The following ZFHX4 variants were observed in gnomAD, a reference collection of about 807,000 sequenced individuals.
ZFHX4 encodes the protein zinc finger homeobox 4.
Under a neutral mutation model 267.6 loss-of-function variants are expected in ZFHX4, and 56 were observed. The observed-to-expected ratio is 0.21, with a 90% CI of 0.17 to 0.26. The LOEUF (loss-of-function observed/expected upper bound fraction) is 0.26. ZFHX4 is among the 10% of genes least tolerant of loss of function. The pLI is 1.00. For synonymous variants in ZFHX4, 1,778 were observed against 1,665.6 expected, an observed-to-expected ratio of 1.07 and a Z score of -1.64; for missense variants, 4,332 against 4,420.0, an observed-to-expected ratio of 0.98 and a Z score of 0.56.
intron 4 of ZFHX4, among the ~76,000 whole-genome samples, chr8:76,823,001 CT>C (rs1811694123): frequency 6.6e-6 from 1 of 152,094 alleles, no homozygotes; most frequent in African/African-American, 2.4e-5. Flanking sequence ...AGCTTATCAT[CT>C]TTTCTCTTGA....
intron 3 of ZFHX4, among the ~76,000 whole-genome samples, 189 bp from the exon 4 acceptor site, chr8:76,778,019 C>T (rs1179278411): frequency 6.6e-6 from 1 of 151,940 alleles, no homozygotes; most frequent in Non-Finnish European, 1.5e-5. Flanking sequence ...TAGATTTACA[C>T]ATTATTTTAA....
intron 1 of ZFHX4, among the ~76,000 whole-genome samples, chr8:76,695,502 GA>G (rs1344133020): frequency 6.6e-6 from 1 of 152,308 alleles, no homozygotes; most frequent in Non-Finnish European, 1.5e-5. Context: ...TAATTATGAC[GA>G]AATACTTGTT....
intron 4 of ZFHX4, among the ~76,000 whole-genome samples, chr8:76,796,926 A>G (rs988506087): frequency 1.3e-5 from 2 of 152,162 alleles, no homozygotes; most frequent in Non-Finnish European, 2.9e-5. Flanking sequence ...TTTCTAACTA[A>G]GGCTAAAATG....
intron 4 of ZFHX4, among the ~76,000 whole-genome samples, chr8:76,801,462 C>T (rs190664250): frequency 6.6e-5 from 10 of 152,226 alleles, no homozygotes; most frequent in South Asian, 6.2e-4. Flanking sequence ...GGCTATAAGT[C>T]GTCCACAGAG....
intron 3 of ZFHX4, among the ~76,000 whole-genome samples, chr8:76,739,733 G>A (rs1809265906): frequency 6.6e-6 from 1 of 151,972 alleles, no homozygotes; most frequent in Admixed American, 6.6e-5. Flanking sequence ...TAAATGGAAT[G>A]GTCAGGAGAA....
chr8:76,707,975 A>G lies in ZFHX4; in HGVS notation c.3020A>G (p.Tyr1007Cys). 6.2e-7 allele frequency: 1 copy of G among 1,614,052 alleles called. No homozygotes were observed. Among genetic ancestry groups the G allele is most frequent in the Non-Finnish European group, 8.5e-7 (1 of 1,179,920 alleles). The change falls in exon 3 of 11, where the codon TAC (tyrosine) becomes TGC (cysteine). Residue 1007 changes from tyrosine (Y) to cysteine (C), a missense_variant. Around this residue, in one of 7 missense-constraint regions of ZFHX4, gnomAD observed 1,371 missense variants for 1,423.1 expected, o/e 0.96. Coordinates refer to ENST00000651372, the MANE Select transcript of ZFHX4 (RefSeq NM_024721.5). ...CTAAAATGTAACGCCTGTGACTATT[A>G]CACCAACAGTGTGGATAAATTACGC... ...VHLKCNACDY[Y>C]TNSVDKLRLH...
In ZFHX4 at chr8:76,852,600, A is replaced by C; in HGVS notation, c.5679A>C (p.Pro1893=). 6.2e-7 allele frequency: 1 copy of C among 1,612,336 alleles called. No individual in the cohort carries two copies. The highest frequency in any genetic ancestry group is 8.5e-7 in the Non-Finnish European group (1 of 1,179,010). ...KDTKKQKSLE[P]SIPPPRIASG... is the part of the protein sequence containing the mutation. ...CAAAGAAGCAAAAATCCTTGGAACC[A>C]TCCATCCCACCACCCCGAATAGCTT... is the stretch of plus-strand genomic sequence containing the variant. Residue 1893 remains proline (P), a synonymous_variant, in exon 10 of 11, where the codon CCA becomes CCC. Coordinates refer to ENST00000651372, the MANE Select transcript of ZFHX4 (RefSeq NM_024721.5).
At chr8:76,857,354 T>TTATATA (rs10576780) in intron 10 of ZFHX4, among the ~76,000 whole-genome samples, 417 of 143,414 alleles carry the variant, frequency 2.9e-3, no homozygotes, top group South Asian at 3.3e-3. Context: ...TTCACTAATT[T>TTATATA]TATATATATA....
chr8:76,691,054 C>T (rs901353143), intron 1 of ZFHX4, among the ~76,000 whole-genome samples: 1 of 152,040 alleles, frequency 6.6e-6, no homozygotes, highest in Admixed American at 6.6e-5. Flanking sequence ...CAAGAATTCA[C>T]ATATTCTAAC....
chr8:76,800,839 G>A (rs895674927), intron 4 of ZFHX4, among the ~76,000 whole-genome samples: 36 of 152,138 alleles, frequency 2.4e-4, no homozygotes, highest in African/African-American at 8.7e-4. Context: ...TGCAGTTTGC[G>A]AGCAACAGCT....
intron 1 of ZFHX4, among the ~76,000 whole-genome samples, chr8:76,692,744 A>T (rs1233137725): frequency 6.6e-6 from 1 of 152,108 alleles, no homozygotes; most frequent in Non-Finnish European, 1.5e-5. Flanking sequence ...TACATGTAAG[A>T]TACACATTTA....
intron 3 of ZFHX4, among the ~76,000 whole-genome samples, chr8:76,754,259 T>A (rs918791931): frequency 7.2e-5 from 11 of 152,052 alleles, no homozygotes; most frequent in African/African-American, 2.4e-4. Context: ...AGGCCAAGAA[T>A]GGTGGATTGC....
chr8:76,700,152 G>C (rs1808065579), intron 1 of ZFHX4, among the ~76,000 whole-genome samples: 1 of 151,904 alleles, frequency 6.6e-6, no homozygotes, highest in African/African-American at 2.4e-5. Flanking sequence ...TTCGTAACTA[G>C]TTACCAAATT....
intron 3 of ZFHX4, among the ~76,000 whole-genome samples, chr8:76,712,969 A>G (rs1294893583): frequency 6.6e-6 from 1 of 152,176 alleles, no homozygotes; most frequent in Non-Finnish European, 1.5e-5. Context: ...CATAATACTT[A>G]TAACTTATAA....
intron 3 of ZFHX4, among the ~76,000 whole-genome samples, chr8:76,733,786 C>T (rs996319190): frequency 3.3e-5 from 5 of 152,092 alleles, no homozygotes; most frequent in Admixed American, 3.3e-4. Context: ...GCAGGGAAAG[C>T]CCAGCTAATA....
chr8:76,859,958 T>C (rs1301174913), intron 10 of ZFHX4, among the ~76,000 whole-genome samples: 1 of 152,116 alleles, frequency 6.6e-6, no homozygotes, highest in Non-Finnish European at 1.5e-5. Context: ...TGAGATTATT[T>C]ACAGAAACAT....
At position 76,778,305 on chromosome 8, in the gene ZFHX4, A is replaced by T. The variant is rs374616609; in HGVS notation, c.3191A>T (p.Gln1064Leu). The change falls in exon 4 of 11, where the codon CAA (glutamine) becomes CTA (leucine). Residue 1064 changes from glutamine to leucine, a missense_variant. Coordinates refer to ENST00000651372, the MANE Select transcript of ZFHX4 (RefSeq NM_024721.5). Reference sequence around the variant, plus strand: ...ACCAAGGTCAAGTTGAATCTGGTACAACATGTCCGTTCGGTGAAGCATCAG... The same window carrying T: ...ACCAAGGTCAAGTTGAATCTGGTACTACATGTCCGTTCGGTGAAGCATCAG... ...YTTKVKLNLV[Q>L]HVRSVKHQQT... The T allele has an allele frequency of 7.4e-6, 12 of 1,613,732 alleles. No individual in the cohort carries two copies. Among genetic ancestry groups the T allele is most frequent in the African/African-American group, 1.3e-5 (1 of 74,908 alleles).
At chr8:76,797,144 G>GT (rs1810999617) in intron 4 of ZFHX4, among the ~76,000 whole-genome samples, 1 of 152,194 alleles carries the variant, frequency 6.6e-6, no homozygotes, top group African/African-American at 2.4e-5. Flanking sequence ...TGTCTTGTGA[G>GT]TATGGCTTGT....
At chr8:76,849,949 T>C in intron 8 of ZFHX4, 2 of 584,382 alleles carry the variant, frequency 3.4e-6, no homozygotes, top group Non-Finnish European at 6.0e-6. Context: ...TCTTTTTATA[T>C]CTATAATGTT....
Sources: gnomAD v4.1 joint callset for allele counts (sites outside exome capture counted in the v4.1 genomes callset) on GRCh38, gnomAD v4.1.1 for gene constraint, gnomAD v4.1.1 regional missense constraint, MANE v1.5 for transcripts, NCBI Gene and HGNC (gene_info 2026-07-23, HGNC 2026-07-21) for gene names.